Variants in CEP112 observed in about 807,000 individuals in gnomAD.
The protein encoded by CEP112 is centrosomal protein of 112 kDa.
CEP112 carries 127 observed loss-of-function variants against 153.0 expected under a neutral mutation model. The ratio of observed to expected loss-of-function variants is 0.83; its 90% CI spans 0.72 to 0.96. The LOEUF (loss-of-function observed/expected upper bound fraction) is 0.96. CEP112 is among the 40% of genes least tolerant of loss of function. The pLI, the probability that CEP112 is intolerant of heterozygous loss-of-function variation, is 0.00. For missense variants in CEP112, 1,089 were observed against 1,101.2 expected (o/e 0.99, Z 0.16); for synonymous variants, 358 against 374.4 (o/e 0.96, Z 0.51).
At chr17:65,730,368 A>G (rs975077315) in intron 23 of CEP112, among the ~76,000 whole-genome samples, 10 of 152,180 alleles carry the variant, frequency 6.6e-5, no homozygotes, top group African/African-American at 2.2e-4. Flanking sequence ...ATCCAAGCCT[A>G]TCTTCCAGAG....
chr17:65,725,157 G>A (rs2050107592), intron 23 of CEP112, among the ~76,000 whole-genome samples: 1 of 152,190 alleles, frequency 6.6e-6, no homozygotes, highest in South Asian at 2.1e-4. Context: ...TGAAGGCTTA[G>A]ATATTTAACT....
chr17:66,121,378 T>C (rs1290429156), intron 6 of CEP112, among the ~76,000 whole-genome samples: 1 of 152,240 alleles, frequency 6.6e-6, no homozygotes, highest in Non-Finnish European at 1.5e-5. Flanking sequence ...GCTTTTTGGA[T>C]GCGCAAATTG....
At chr17:66,033,280 T>C (rs1305464015) in intron 12 of CEP112, among the ~76,000 whole-genome samples, 1 of 20,826 alleles carries the variant, frequency 4.8e-5, no homozygotes, top group Non-Finnish European at 1.7e-4. Context: ...GAAAATAATA[T>C]ACAAATAGAG....
At chr17:66,026,126 C>T (rs1026922361) in intron 16 of CEP112, among the ~76,000 whole-genome samples, 3 of 151,612 alleles carry the variant, frequency 2.0e-5, no homozygotes, top group Non-Finnish European at 4.4e-5. Context: ...ACACTGAAGA[C>T]TTGGAAGGGT....
chr17:65,973,822 T>C (rs544650319), intron 17 of CEP112, among the ~76,000 whole-genome samples: 49 of 152,328 alleles, frequency 3.2e-4, no homozygotes, highest in African/African-American at 1.1e-3. Context: ...CTTTTTTGAA[T>C]TGGTAGTTTC....
chr17:65,751,559 C>T (rs1328964128), intron 21 of CEP112, among the ~76,000 whole-genome samples: 6 of 152,106 alleles, frequency 3.9e-5, no homozygotes, highest in Non-Finnish European at 5.9e-5. Flanking sequence ...TGATTTCTCT[C>T]GTCTCTCTGT....
chr17:65,859,087 T>A (rs981224513), intron 20 of CEP112, among the ~76,000 whole-genome samples: 1 of 152,160 alleles, frequency 6.6e-6, no homozygotes, highest in African/African-American at 2.4e-5. Flanking sequence ...CTGAATGTAA[T>A]CTAAGGTTGA....
At chr17:66,187,675 G>T (rs554340079) in intron 1 of CEP112, among the ~76,000 whole-genome samples, 2 of 151,970 alleles carry the variant, frequency 1.3e-5, no homozygotes, top group Non-Finnish European at 2.9e-5. Flanking sequence ...TTTCACACTC[G>T]CATAGTGATT....
chr17:65,750,112 T>C (rs1380576920), intron 22 of CEP112, among the ~76,000 whole-genome samples: 1 of 152,218 alleles, frequency 6.6e-6, no homozygotes, highest in Non-Finnish European at 1.5e-5. Context: ...TTATTGGCCT[T>C]TCTTATACTA....
intron 4 of CEP112, among the ~76,000 whole-genome samples, chr17:66,169,020 C>T (rs1014427922): frequency 4.6e-5 from 7 of 151,998 alleles, no homozygotes; most frequent in Non-Finnish European, 1.0e-4. Context: ...TGTCTGTCAT[C>T]GTATAATGTC....
At chr17:66,177,767 A>AG (rs2072548829) in intron 2 of CEP112, among the ~76,000 whole-genome samples, 1 of 151,682 alleles carries the variant, frequency 6.6e-6, no homozygotes, top group African/African-American at 2.4e-5. Context: ...CCATGAGTTC[A>AG]GTTGTCTTAA....
chr17:65,966,450 T>C lies in CEP112; in HGVS notation c.1737-4852A>G, dbSNP rs866010918. ...AGATGGCTGCAACCCAACATGTATG[T>C]ATAAGGCTTCACATTACAGTATACT... On this transcript the variant is annotated intron_variant, in intron 17 of 26. Transcript: ENST00000535342. 7.9e-5 allele frequency among the ~76,000 whole-genome samples: 12 copies of C among 152,350 alleles called. No homozygotes were observed. The South Asian group carries it at 2.5e-3, about 32-fold the overall frequency.
At chr17:66,173,753 T>G (rs1047701440) in intron 4 of CEP112, among the ~76,000 whole-genome samples, 3 of 152,214 alleles carry the variant, frequency 2.0e-5, no homozygotes, top group African/African-American at 7.2e-5. Flanking sequence ...AATTCTCCTA[T>G]GAATGTAAAA....
At chr17:66,189,260 G>C (rs1050828228) in intron 1 of CEP112, among the ~76,000 whole-genome samples, 1 of 152,118 alleles carries the variant, frequency 6.6e-6, no homozygotes, top group Admixed American at 6.5e-5. Context: ...CAGCACGTTG[G>C]GAAGCTGAGG....
intron 18 of CEP112, among the ~76,000 whole-genome samples, chr17:65,940,919 T>C (rs189320580): frequency 1.4e-4 from 22 of 152,328 alleles, no homozygotes; most frequent in Non-Finnish European, 2.6e-4. Flanking sequence ...AGGTTATGGC[T>C]ATGTTAATTA....
intron 24 of CEP112, among the ~76,000 whole-genome samples, chr17:65,687,324 G>A (rs1343289283): frequency 4.6e-5 from 7 of 151,368 alleles, no homozygotes; most frequent in African/African-American, 1.2e-4. Flanking sequence ...CTGCCACCAC[G>A]CCCAGCTAAT....
intron 17 of CEP112, among the ~76,000 whole-genome samples, chr17:65,964,377 A>G (rs73336681): frequency 0.066 from 10,029 of 152,250 alleles, 484 homozygotes; most frequent in African/African-American, 0.12. Context: ...TGATGGCTAT[A>G]AAGAATTTTA....
At chr17:66,082,818 T>C (rs1284334045) in intron 8 of CEP112, among the ~76,000 whole-genome samples, 4 of 151,610 alleles carry the variant, frequency 2.6e-5, no homozygotes, top group African/African-American at 7.3e-5. Flanking sequence ...CAAACCACTA[T>C]AATTCTTTAA....
At chr17:65,722,318 G>A (rs2049933006) in intron 23 of CEP112, among the ~76,000 whole-genome samples, 1 of 152,070 alleles carries the variant, frequency 6.6e-6, no homozygotes, top group Non-Finnish European at 1.5e-5. Flanking sequence ...GTGTGATCTT[G>A]GCTCACTGCA....
Sources: allele counts gnomAD v4.1 joint callset (sites outside exome capture counted in the v4.1 genomes callset), GRCh38; gene constraint gnomAD v4.1.1; transcripts MANE v1.5; gene names NCBI Gene and HGNC (gene_info 2026-07-23, HGNC 2026-07-21).